The following ZNF479 variants were observed in gnomAD, a reference collection of about 807,000 sequenced individuals.
ZNF479 encodes the protein KRAB zinc finger protein KR19.
ZNF479 carries 15 observed loss-of-function variants against 14.7 expected under a neutral mutation model. That is an observed-to-expected ratio of 1.02 (90% confidence interval 0.68 to 1.57). The LOEUF (loss-of-function observed/expected upper bound fraction) is 1.57, where lower values mean the gene tolerates loss of function less well. ZNF479 is among the 40% of genes most tolerant of loss of function. ZNF479 has a pLI of 0.00. For missense variants in ZNF479, 506 were observed against 615.1 expected (o/e 0.82, Z 1.88); for synonymous variants, 145 against 211.5 (o/e 0.69, Z 2.73).
At chr7:57,138,500 C>T (rs1786744624) in intron 1 of ZNF479, among the ~76,000 whole-genome samples, 1 of 152,102 alleles carries the variant, frequency 6.6e-6, no homozygotes, top group Non-Finnish European at 1.5e-5. Flanking sequence ...GAATATTGAC[C>T]ATCCAATGTG....
rs142500783 is a variant in ZNF479 at position 57,130,866 on chromosome 7, T to C, written c.39+1420A>G. 6.7e-3 allele frequency among the ~76,000 whole-genome samples: 1,020 copies of C among 152,330 alleles called. 11 individuals carry two copies. Among genetic ancestry groups the C allele is most frequent in the African/African-American group, 0.023 (953 of 41,566 alleles). ...AAGAAATAATCCTGTATGTCTTCAA[T>C]GGTAGACTGGATAAAGAAAACGTCG... On this transcript the variant is annotated intron_variant, in intron 1 of 3. Coordinates refer to ENST00000319636, the MANE Select transcript of ZNF479 (RefSeq NM_001370129.2).
intron 1 of ZNF479, among the ~76,000 whole-genome samples, chr7:57,131,205 C>T (rs1786402330): frequency 6.6e-6 from 1 of 151,972 alleles, no homozygotes; most frequent in African/African-American, 2.4e-5. Context: ...ACAAAAACTT[C>T]ATGATATGAT....
In ZNF479 at chr7:57,119,918, C is replaced by T; in HGVS notation, c.1497G>A (p.Glu499=). The change falls in exon 4 of 4, where the codon GAG becomes GAA. Residue 499 remains glutamate (E), a synonymous_variant. Coordinates refer to ENST00000319636, the MANE Select transcript of ZNF479 (RefSeq NM_001370129.2). The part of the protein sequence containing the change: ...GEKPYKCEEC[E]QAFKWHSSLA... Reference sequence around the variant, plus strand: ...GACTTGAATGCCACTTAAAAGCTTGCTCACATTCTTCACATTTGTAGGGTT... The same window carrying T: ...GACTTGAATGCCACTTAAAAGCTTGTTCACATTCTTCACATTTGTAGGGTT... 1 of 1,613,412 alleles carries T rather than the reference C, an allele frequency of 6.2e-7. No individual in the cohort carries two copies. Among genetic ancestry groups the T allele is most frequent in the South Asian group, 1.1e-5 (1 of 91,044 alleles).
At chr7:57,126,151 T>C in intron 2 of ZNF479, 38 bp from the exon 3 acceptor site, 1 of 1,552,880 alleles carries the variant, frequency 6.4e-7, no homozygotes, top group Non-Finnish European at 8.7e-7. Flanking sequence ...TAGATCATGC[T>C]GAATTCTTTA....
intron 3 of ZNF479, among the ~76,000 whole-genome samples, chr7:57,124,299 C>A (rs182495440): frequency 4.6e-4 from 70 of 152,224 alleles, no homozygotes; most frequent in Non-Finnish European, 7.6e-4. Context: ...AAATAGAAAG[C>A]CCAGCAATGA....
In ZNF479 at chr7:57,132,422, C is replaced by T. The variant is rs1786475322; in HGVS notation, c.-98G>A. ...AAGAGGAGAACTGCAGCTCTGGACG[C>T]AGAGAAACACAAAGGACCCGCAAAA... On this transcript the variant is annotated 5_prime_UTR_variant, in exon 1 of 4. Transcript: ENST00000319636. 2 of 1,591,596 alleles carry T rather than the reference C, an allele frequency of 1.3e-6. No homozygotes were observed. The highest frequency in any genetic ancestry group is 1.7e-6 in the Non-Finnish European group (2 of 1,162,058).
At chr7:57,134,120 G>T (rs1786543179), upstream of ZNF479, among the ~76,000 whole-genome samples, 1 of 152,120 alleles carries the variant, frequency 6.6e-6, no homozygotes, top group Non-Finnish European at 1.5e-5. Flanking sequence ...ACTGCATCTG[G>T]AATAGGTGCT....
intron 3 of ZNF479, among the ~76,000 whole-genome samples, chr7:57,123,085 G>T (rs1054943937): frequency 6.6e-6 from 1 of 152,112 alleles, no homozygotes; most frequent in Non-Finnish European, 1.5e-5. Context: ...AATTCATAAA[G>T]AAAAAGATTT....
chr7:57,132,954 C>T (rs926212729), upstream of ZNF479, among the ~76,000 whole-genome samples: 12 of 152,028 alleles, frequency 7.9e-5, no homozygotes, highest in East Asian at 1.9e-4. Context: ...TGGCAAATAT[C>T]GTGAAACCCC....
upstream of ZNF479, among the ~76,000 whole-genome samples, chr7:57,133,012 T>A (rs1786504194): frequency 6.6e-6 from 1 of 152,156 alleles, no homozygotes; most frequent in Admixed American, 6.5e-5. Context: ...AGTGTGCCTG[T>A]AGTCCCGGCT....
intron 1 of ZNF479, among the ~76,000 whole-genome samples, chr7:57,130,851 C>A (rs374665057): frequency 1.5e-3 from 233 of 152,266 alleles, no homozygotes; most frequent in East Asian, 5.8e-3. Context: ...AAGAAATAAT[C>A]CTGTATGTCT....
chr7:57,135,000 G>A (rs919704321), upstream of ZNF479, among the ~76,000 whole-genome samples: 5 of 151,960 alleles, frequency 3.3e-5, no homozygotes, highest in Non-Finnish European at 5.9e-5. Context: ...TTTCTTGTAC[G>A]AGATCCAAGA....
At chr7:57,135,735 T>G (rs183482587), upstream of ZNF479, among the ~76,000 whole-genome samples, 452 of 152,272 alleles carry the variant, frequency 3.0e-3, 3 homozygotes, top group African/African-American at 0.01. Flanking sequence ...TAATTTGCCT[T>G]GCACTTTTTG....
At position 57,121,121 on chromosome 7, in the gene ZNF479, C is replaced by A. The variant is rs782315198; in HGVS notation, c.294G>T (p.Gln98His). ...GTGAATCTTTGATGCCCTGCTCTGG[C>A]TGAAGGTCTTGGGTGAAATGGGAAC... ...VTRSHFTQDL[Q>H]PEQGIKDSLQ... Residue 98 changes from glutamine (Q) to histidine (H), a missense_variant, in exon 4 of 4, where the codon CAG (glutamine) becomes CAT (histidine). By Grantham distance (24) the Gln-to-His change is conservative (BLOSUM62 0). Coordinates refer to ENST00000319636, the MANE Select transcript of ZNF479 (RefSeq NM_001370129.2). 1 of 1,613,766 alleles carries A rather than the reference C, an allele frequency of 6.2e-7. No homozygotes were observed. The highest frequency in any genetic ancestry group is 1.7e-5 in the Admixed American group (1 of 59,920).
Position 57,121,232 on chromosome 7 carries a change from A to G in ZNF479, c.263-80T>C, listed in dbSNP as rs1281868186. The G allele has an allele frequency of 2.5e-6, 4 of 1,590,208 alleles. No individual in the cohort carries two copies. The Admixed American group carries it at 7.3e-5, about 29-fold the overall frequency. ...TTCTACACATGAAATATATAAAATT[A>G]CACAAGGTACATTAGCAAAATGCCA... On this transcript the variant is annotated intron_variant, in intron 3 of 3. Coordinates refer to ENST00000319636, the MANE Select transcript of ZNF479 (RefSeq NM_001370129.2).
upstream of ZNF479, among the ~76,000 whole-genome samples, chr7:57,134,915 T>C (rs1286177613): frequency 6.6e-6 from 1 of 152,028 alleles, no homozygotes. Flanking sequence ...CCTCAAGTGA[T>C]CCTCCCGCCT....
At position 57,118,547 on chromosome 7, in the gene ZNF479, T is replaced by A. The variant is rs1785774671; in HGVS notation, c.*1293A>T. Among the ~76,000 whole-genome samples, 1 of 152,160 alleles carries A rather than the reference T, an allele frequency of 6.6e-6. No homozygotes were observed. Among genetic ancestry groups the A allele is most frequent in the African/African-American group, 2.4e-5 (1 of 41,430 alleles). ...CCACCACACCCAGCTAGTTTTTCTA[T>A]TTTTAGTAGAGATGGAGTTTCACCA... On this transcript the variant is annotated 3_prime_UTR_variant, in exon 4 of 4. Transcript: ENST00000319636.
intron 1 of ZNF479, among the ~76,000 whole-genome samples, chr7:57,138,128 C>T (rs1363722927): frequency 2.0e-5 from 3 of 152,160 alleles, no homozygotes; most frequent in Non-Finnish European, 2.9e-5. Flanking sequence ...TGTGATTCTC[C>T]CTCCTAGTCT....
chr7:57,121,631 A>C (rs1268469107), intron 3 of ZNF479, among the ~76,000 whole-genome samples: 1 of 152,238 alleles, frequency 6.6e-6, no homozygotes, highest in African/African-American at 2.4e-5. Flanking sequence ...TTGCAGACAA[A>C]ACACATCCTG....
Sources: allele counts gnomAD v4.1 joint callset (sites outside exome capture counted in the v4.1 genomes callset), GRCh38; gene constraint gnomAD v4.1.1; transcripts MANE v1.5; gene names NCBI Gene and HGNC (gene_info 2026-07-23, HGNC 2026-07-21).